Variants in ECT2 observed in about 807,000 individuals in gnomAD.
ECT2 encodes protein ECT2.
In ECT2, 61 loss-of-function variants were observed where a neutral mutation model predicts 116.9. The ratio of observed to expected loss-of-function variants is 0.52; its 90% confidence interval spans 0.42 to 0.65. The LOEUF is 0.65. Ranked by LOEUF, ECT2 falls within the 30% of genes least tolerant of loss-of-function variation. ECT2 has a pLI of 0.00. For missense variants in ECT2, 937 were observed against 1,078.7 expected, an observed-to-expected ratio of 0.87 and a Z score of 1.84; for synonymous variants, 358 against 346.4, an observed-to-expected ratio of 1.03 and a Z score of -0.37.
At chr3:172,816,595 A>C in intron 23 of ECT2, 96 bp from the exon 24 acceptor site, 1 of 1,065,922 alleles carries the variant, frequency 9.4e-7, no homozygotes, top group South Asian at 2.2e-5. Flanking sequence ...TACAGTAGAA[A>C]AACTTTTGCC....
At chr3:172,776,456 A>T (rs1214274863) in intron 14 of ECT2, among the ~76,000 whole-genome samples, 1 of 152,146 alleles carries the variant, frequency 6.6e-6, no homozygotes. Flanking sequence ...TTTTTTCTTT[A>T]TCCTCGTAAC....
chr3:172,825,886 G>T (rs143552282), downstream of ECT2, among the ~76,000 whole-genome samples: 1 of 152,102 alleles, frequency 6.6e-6, no homozygotes, highest in African/African-American at 2.4e-5. Context: ...GGAAGAAAAC[G>T]CCATCTAAGA....
Position 172,818,785 on chromosome 3 carries a change from C to G in ECT2, c.2656-1363C>G, listed in dbSNP as rs751751794. The G allele has an allele frequency of 3.2e-6, 4 of 1,268,530 alleles. No individual in the cohort carries two copies. In the South Asian group the frequency reaches 3.8e-5, roughly 12 times the overall value. 78.6% of individuals were successfully genotyped at this position (1,268,530 alleles called of 1,614,324 possible). A position where few individuals can be genotyped will look rare whatever the true frequency, so the allele number is the denominator to read the frequency against. ...GAAGAATTAGGAGATTTGCCAACCA[C>G]TAATGGAAACAAGCCTCATGAAGTT... On this transcript the variant is annotated intron_variant, in intron 24 of 24. Transcript: ENST00000392692.
intron 17 of ECT2, among the ~76,000 whole-genome samples, chr3:172,785,945 A>G (rs1723530825): frequency 6.6e-6 from 1 of 152,216 alleles, no homozygotes; most frequent in African/African-American, 2.4e-5. Context: ...TATTACTATT[A>G]TTCCACATGA....
chr3:172,760,549 T>C (rs1282093764), intron 7 of ECT2, among the ~76,000 whole-genome samples: 1 of 151,864 alleles, frequency 6.6e-6, no homozygotes, highest in Non-Finnish European at 1.5e-5. Context: ...CCCAAAGTGT[T>C]GAGATTACAT....
Position 172,765,611 on chromosome 3 carries a change from T to A in ECT2, c.1291+1111T>A, listed in dbSNP as rs150932426. Among the ~76,000 whole-genome samples, 35 of 152,290 alleles carry A rather than the reference T, an allele frequency of 2.3e-4. No homozygotes were observed. The East Asian group carries it at 5.8e-3, about 25-fold the overall frequency. On this transcript the variant is annotated intron_variant, in intron 12 of 24. Transcript: ENST00000392692. ...GATCTCTCTTAGATGATTGCAGTAG[T>A]CTCCTAAATAGTCTCTCCCTTTTAA... is the stretch of plus-strand genomic sequence containing the variant.
At chr3:172,763,112 A>G (rs1718662696) in intron 11 of ECT2, 140 bp downstream of exon 11, 4 of 831,384 alleles carry the variant, frequency 4.8e-6, no homozygotes, top group Non-Finnish European at 5.7e-6. Flanking sequence ...ATCTTAGTCT[A>G]TGTAGATTTA....
intron 13 of ECT2, among the ~76,000 whole-genome samples, chr3:172,771,988 T>C (rs1720742760): frequency 6.6e-6 from 1 of 152,190 alleles, no homozygotes; most frequent in Non-Finnish European, 1.5e-5. Context: ...CTTCTGAGTT[T>C]TGAGAATTCT....
At chr3:172,778,274 G>GT (rs1412504206) in intron 14 of ECT2, among the ~76,000 whole-genome samples, 1 of 152,162 alleles carries the variant, frequency 6.6e-6, no homozygotes, top group Admixed American at 6.5e-5. Flanking sequence ...AAAGTTAAGA[G>GT]AATCCTATGA....
intron 24 of ECT2, among the ~76,000 whole-genome samples, chr3:172,819,254 C>A (rs1730318001): frequency 6.7e-6 from 1 of 149,934 alleles, no homozygotes; most frequent in African/African-American, 2.5e-5. Flanking sequence ...CATTTTACAA[C>A]CTTGTTGATG....
At chr3:172,759,267 G>C (rs1373152113) in intron 6 of ECT2, among the ~76,000 whole-genome samples, 198 bp downstream of exon 6, 1 of 152,088 alleles carries the variant, frequency 6.6e-6, no homozygotes, top group Non-Finnish European at 1.5e-5. Context: ...TGTCTAGGCT[G>C]GCTGATGTGA....
chr3:172,751,425 G>A (rs1201168560), intron 1 of ECT2, among the ~76,000 whole-genome samples: 2 of 152,152 alleles, frequency 1.3e-5, no homozygotes, highest in East Asian at 1.9e-4. Context: ...TTTGACTTAG[G>A]GGAAGTTGCT....
At chr3:172,756,171 A>G (rs1044398327) in intron 4 of ECT2, among the ~76,000 whole-genome samples, 1 of 152,172 alleles carries the variant, frequency 6.6e-6, no homozygotes, top group Non-Finnish European at 1.5e-5. Flanking sequence ...GTCACACTCT[A>G]AGGACTTCAT....
At chr3:172,787,767 A>G (rs977684628) in intron 18 of ECT2, among the ~76,000 whole-genome samples, 36 of 152,230 alleles carry the variant, frequency 2.4e-4, no homozygotes, top group African/African-American at 8.4e-4. Context: ...TTATAAAAGA[A>G]ACTGAGAGGT....
chr3:172,769,501 T>A (rs1044326099), intron 13 of ECT2, among the ~76,000 whole-genome samples: 1 of 152,190 alleles, frequency 6.6e-6, no homozygotes, highest in South Asian at 2.1e-4. Context: ...CTGAGAGTCA[T>A]TGCTTTGTTT....
Position 172,797,020 on chromosome 3 carries a change from G to GATTCATATATCAGGTTCAAC in ECT2, c.1908-5596_1908-5595insATTCATATATCAGGTTCAAC, listed in dbSNP as rs1426347481. Among the ~76,000 whole-genome samples the GATTCATATATCAGGTTCAAC allele has an allele frequency of 3.5e-5, 5 of 142,946 alleles. No individual in the cohort carries two copies. The South Asian group carries it at 6.5e-4, about 19-fold the overall frequency. 93.8% of individuals were successfully genotyped at this position (142,946 alleles called of 152,430 possible). On this transcript the variant is annotated intron_variant, in intron 18 of 24. Coordinates refer to ENST00000392692, the MANE Select transcript of ECT2 (RefSeq NM_001258315.2). ...TCAGATTCATATATCAGGTTCAACTGTGTGTGTGTGTGTGTGTGTGTGTGT... is the reference window on the plus strand; with the variant it reads ...TCAGATTCATATATCAGGTTCAACTGATTCATATATCAGGTTCAACTGTGTGTGTGTGTGTGTGTGTGTGT...
Position 172,764,468 on chromosome 3 carries a change from C to G in ECT2, c.1259C>G (p.Ser420Cys). Residue 420 changes from serine to cysteine, a missense_variant, in exon 12 of 25, where the codon TCC (serine) becomes TGC (cysteine). Physicochemically the swap from Ser to Cys is moderately radical, Grantham distance 112. Transcript: ENST00000392692. ...TCCATAGGGTCACTCCTAGATATCT[C>G]CAACACACCAGAGTCTAGCATTAAC... ...SLSIGSLLDISNTPESSINYG... is the reference protein window; with the variant it reads ...SLSIGSLLDICNTPESSINYG... 1 of 1,614,092 alleles carries G rather than the reference C, an allele frequency of 6.2e-7. No individual in the cohort carries two copies. Among genetic ancestry groups the G allele is most frequent in the Non-Finnish European group, 8.5e-7 (1 of 1,179,954 alleles).
chr3:172,758,984 T>C lies in ECT2; in HGVS notation c.491T>C (p.Leu164Ser), dbSNP rs779322985. ...VLNCSQKGEPLPFSCRPLYCT... is the reference protein window; with the variant it reads ...VLNCSQKGEPSPFSCRPLYCT... ...TAAAATTGTTGTATCCTTCAGCCTT[T>C]GCCATTTTCATGTCGCCCGTTGTAT... is the stretch of plus-strand genomic sequence containing the variant. Residue 164 changes from leucine to serine, a missense_variant, in exon 6 of 25, where the codon TTG becomes TCG. Transcript: ENST00000392692. 6.2e-7 allele frequency: 1 copy of C among 1,608,836 alleles called. No homozygotes were observed. The highest frequency in any genetic ancestry group is 8.5e-7 in the Non-Finnish European group (1 of 1,178,256).
rs528547321 is a variant in ECT2, at chr3:172,798,603, G to A, written c.1908-4013G>A. The stretch of plus-strand genomic sequence containing the variant: ...ATGACTTTTATTTAAAATATTGTTG[G>A]TTCTTTATGCAAATGTTTTGTTTTC... On this transcript the variant is annotated intron_variant, in intron 18 of 24. Transcript: ENST00000392692. Among the ~76,000 whole-genome samples, 4 of 152,162 alleles carry A rather than the reference G, an allele frequency of 2.6e-5. No homozygotes were observed. In the East Asian group the frequency reaches 7.7e-4, roughly 29 times the overall value.
Sources: allele counts gnomAD v4.1 joint callset (sites outside exome capture counted in the v4.1 genomes callset), GRCh38; gene constraint gnomAD v4.1.1; transcripts MANE v1.5; gene names NCBI Gene and HGNC (gene_info 2026-07-23, HGNC 2026-07-21).